Variants in MRPL49 observed in about 807,000 individuals in gnomAD.
MRPL49 encodes mitochondrial ribosomal protein L49, also known as large ribosomal subunit protein mL49.
A neutral mutation model predicts 18.4 loss-of-function variants in MRPL49; 14 were observed. The observed-to-expected ratio is 0.76, with a 90% confidence interval of 0.50 to 1.19. The LOEUF is 1.19. Among genes scored for constraint, MRPL49 ranks in the 50% most tolerant of loss-of-function variants. The pLI is 0.00. For synonymous variants in MRPL49, 104 were observed against 86.2 expected (o/e 1.21, Z -1.14); for missense variants, 190 against 217.8 (o/e 0.87, Z 0.80).
At chr11:65,122,681 G>A (rs1948063769) in intron 1 of MRPL49, among the ~76,000 whole-genome samples, 1 of 151,688 alleles carries the variant, frequency 6.6e-6, no homozygotes, top group Non-Finnish European at 1.5e-5. Flanking sequence ...CGGGGTCCTA[G>A]CATATGAGTG....
intron 2 of MRPL49, 55 bp downstream of exon 2, chr11:65,124,707 C>A: frequency 6.3e-7 from 1 of 1,583,488 alleles, no homozygotes. Flanking sequence ...CACCTCCTCC[C>A]CAGAGGTTGG....
Position 65,122,355 on chromosome 11 carries a change from T to C in MRPL49, c.9T>C (p.Ala3=), listed in dbSNP as rs757723640. MA[A]TMFRATLRGW... ...TGGCGTAGCAGGTAAAGATGGCAGCTACCATGTTCCGGGCTACGCTGCGGG... is the reference window on the plus strand; with the variant it reads ...TGGCGTAGCAGGTAAAGATGGCAGCCACCATGTTCCGGGCTACGCTGCGGG... The change falls in exon 1 of 4, where the codon GCT becomes GCC. Residue 3 remains alanine, a synonymous_variant. Coordinates refer to ENST00000279242, the MANE Select transcript of MRPL49 (RefSeq NM_004927.4). 4 of 1,612,760 alleles carry C rather than the reference T, an allele frequency of 2.5e-6. No individual in the cohort carries two copies. The highest frequency in any genetic ancestry group is 1.3e-5 in the African/African-American group (1 of 75,028).
rs1288776394 is a variant in MRPL49 at position 65,125,904 on chromosome 11, C to T, written c.*32C>T. 51 of 1,584,788 alleles carry T rather than the reference C, an allele frequency of 3.2e-5. No homozygotes were observed. Among genetic ancestry groups the T allele is most frequent in the Non-Finnish European group, 4.1e-5 (48 of 1,162,688 alleles). On this transcript the variant is annotated 3_prime_UTR_variant, in exon 4 of 4. Transcript: ENST00000279242. ...GCCGAGCAGCCTGCTTGTCAGCATG[C>T]CCTGTGGATCAAGTCTAGGGGGCCT...
At position 65,125,033 on chromosome 11, in the gene MRPL49, C is replaced by G. The variant is rs115075364; in HGVS notation, c.229+381C>G. The G allele has an allele frequency of 3.8e-3, 1,005 of 264,188 alleles. 10 individuals carry two copies. The highest frequency in any genetic ancestry group is 0.02 in the African/African-American group (900 of 44,716). The allele number at this position is 264,188 out of a possible 1,614,324, so 16.4% of individuals were successfully genotyped here. ...ACTGTTGATGTTATCTTGAATTAGT[C>G]ACTTAGCTTGACCCAACCTGTTTTA... On this transcript the variant is annotated intron_variant, in intron 2 of 3. Transcript: ENST00000279242.
At chr11:65,124,741 C>T (rs1194110239) in intron 2 of MRPL49, 89 bp downstream of exon 2, 4 of 1,452,524 alleles carry the variant, frequency 2.8e-6, no homozygotes, top group Non-Finnish European at 3.7e-6. Flanking sequence ...GCTCTGGACT[C>T]TCCAGTGGGT....
At position 65,126,282 on chromosome 11, in the gene MRPL49, C is replaced by A. The variant is rs185215869; in HGVS notation, c.*410C>A. On this transcript the variant is annotated 3_prime_UTR_variant, in exon 4 of 4. Coordinates refer to ENST00000279242, the MANE Select transcript of MRPL49 (RefSeq NM_004927.4). ...CTTGAGTAGCTGGGATTACAGGCGC[C>A]CACCACCACAGCCTGCTAATTTTTG... is the stretch of plus-strand genomic sequence containing the variant. 2,228 of 157,432 alleles carry A rather than the reference C, an allele frequency of 0.014. 46 individuals are homozygous for A. The highest frequency in any genetic ancestry group is 0.049 in the African/African-American group (2,051 of 41,656). The allele number at this position is 157,432 out of a possible 1,614,324, so 9.8% of individuals were successfully genotyped here.
rs1948099260 is a variant in MRPL49, at chr11:65,126,144, T to C, written c.*272T>C. The C allele has an allele frequency of 3.0e-6, 1 of 336,270 alleles. No homozygotes were observed. The allele number at this position is 336,270 out of a possible 1,614,324, so 20.8% of individuals were successfully genotyped here. ...TCCCTCCTATCTTGGCCTGTTCTTT[T>C]TTGTTTTTTGAGACGGAGTCTCACT... On this transcript the variant is annotated 3_prime_UTR_variant, in exon 4 of 4. Transcript: ENST00000279242.
chr11:65,123,571 A>C (rs1007437925), intron 1 of MRPL49, among the ~76,000 whole-genome samples: 2 of 152,028 alleles, frequency 1.3e-5, no homozygotes, highest in African/African-American at 4.8e-5. Context: ...CCGTCTCTAG[A>C]AAAAATACAA....
At chr11:65,123,874 A>G (rs905876164) in intron 1 of MRPL49, among the ~76,000 whole-genome samples, 6 of 152,202 alleles carry the variant, frequency 3.9e-5, no homozygotes, top group African/African-American at 1.4e-4. Flanking sequence ...ACAGATGGCC[A>G]TGCAGGAATT....
At chr11:65,124,209 T>A (rs554141362) in intron 1 of MRPL49, among the ~76,000 whole-genome samples, 1 of 152,288 alleles carries the variant, frequency 6.6e-6, no homozygotes, top group African/African-American at 2.4e-5. Context: ...TTGTGTAAGG[T>A]TGAAGTGGCC....
Position 65,126,871 on chromosome 11 carries a change from GC to G in MRPL49, c.*1000del. On this transcript the variant is annotated 3_prime_UTR_variant, in exon 4 of 4. Coordinates refer to ENST00000279242, the MANE Select transcript of MRPL49 (RefSeq NM_004927.4). ...ACATCCCCCTGCAGCCTTCTGACCT[GC>G]AATCAAGGCTGGGGAGGGGTTTGCA... The G allele has an allele frequency of 1.7e-6, 1 of 590,138 alleles. No homozygotes were observed. The highest frequency in any genetic ancestry group is 2.0e-5 in the South Asian group (1 of 49,372). 36.6% of individuals were successfully genotyped at this position (590,138 alleles called of 1,614,324 possible).
Position 65,122,438 on chromosome 11 carries a change from G to A in MRPL49, c.78+14G>A. Reference sequence around the variant, plus strand: ...CTACGGCTGTTGGTGAGAGCGCTGAGCGAGGAGCTGAGGGCATCGCGTGGG... The same window carrying A: ...CTACGGCTGTTGGTGAGAGCGCTGAACGAGGAGCTGAGGGCATCGCGTGGG... On this transcript the variant is annotated intron_variant, in intron 1 of 3. Transcript: ENST00000279242. 2 of 1,608,310 alleles carry A rather than the reference G, an allele frequency of 1.2e-6. No individual in the cohort carries two copies. The highest frequency in any genetic ancestry group is 8.5e-7 in the Non-Finnish European group (1 of 1,177,586).
rs1209632595 is a variant in MRPL49, at chr11:65,125,135, C to T, written c.230-353C>T. On this transcript the variant is annotated intron_variant, in intron 2 of 3. Coordinates refer to ENST00000279242, the MANE Select transcript of MRPL49 (RefSeq NM_004927.4). The stretch of plus-strand genomic sequence containing the variant: ...GCATATGGTAGGTGCTCAGTGCTTG[C>T]AAATCCCAATCTCTTTGTTCCAGAG... 2.5e-5 allele frequency: 9 copies of T among 353,222 alleles called. No homozygotes were observed. In the East Asian group the frequency reaches 6.4e-4, roughly 25 times the overall value. 21.9% of individuals were successfully genotyped at this position (353,222 alleles called of 1,614,324 possible).
chr11:65,125,709 T>C lies in MRPL49; in HGVS notation c.355-17T>C. 9 of 1,613,446 alleles carry C rather than the reference T, an allele frequency of 5.6e-6. No individual in the cohort carries two copies. The highest frequency in any genetic ancestry group is 7.6e-6 in the Non-Finnish European group (9 of 1,179,576). ...GAAGGGACTCTTGGCCTGACCTGAT[T>C]TGTCATCTTTCCCCAGGCCCTGCAG... On this transcript the variant is annotated splice_polypyrimidine_tract_variant and intron_variant, in intron 3 of 3. Transcript: ENST00000279242.
chr11:65,122,805 C>T (rs554507833), intron 1 of MRPL49, among the ~76,000 whole-genome samples: 1 of 151,568 alleles, frequency 6.6e-6, no homozygotes, highest in Non-Finnish European at 1.5e-5. Context: ...CTGCAAGCTC[C>T]GCCTCCCAGA....
Position 65,127,340 on chromosome 11 carries a change from A to G in MRPL49, c.*1468A>G, listed in dbSNP as rs1948113733. On this transcript the variant is annotated 3_prime_UTR_variant, in exon 4 of 4. Coordinates refer to ENST00000279242, the MANE Select transcript of MRPL49 (RefSeq NM_004927.4). ...TTTAAGCTATTAAAATTTGTACAAT[A>G]TTTACAAATTAAATAATCATCTGAA... The G allele has an allele frequency of 2.8e-6, 1 of 363,586 alleles. No individual in the cohort carries two copies. The highest frequency in any genetic ancestry group is 4.9e-6 in the Non-Finnish European group (1 of 202,104). The allele number at this position is 363,586 out of a possible 1,614,324, so 22.5% of individuals were successfully genotyped here. A position where few individuals can be genotyped will look rare whatever the true frequency, so the allele number is the denominator to read the frequency against.
Position 65,125,031 on chromosome 11 carries a change from G to C in MRPL49, c.229+379G>C, listed in dbSNP as rs576969411. Reference sequence around the variant, plus strand: ...TTACTGTTGATGTTATCTTGAATTAGTCACTTAGCTTGACCCAACCTGTTT... The same window carrying C: ...TTACTGTTGATGTTATCTTGAATTACTCACTTAGCTTGACCCAACCTGTTT... On this transcript the variant is annotated intron_variant, in intron 2 of 3. Transcript: ENST00000279242. 50 of 263,464 alleles carry C rather than the reference G, an allele frequency of 1.9e-4. 1 individual carries two copies. The South Asian group carries it at 3.0e-3, about 16-fold the overall frequency. The allele number at this position is 263,464 out of a possible 1,614,324, so 16.3% of individuals were successfully genotyped here.
At chr11:65,125,457 G>T (rs759911788) in intron 2 of MRPL49, 31 bp from the exon 3 acceptor site, 1 of 1,612,332 alleles carries the variant, frequency 6.2e-7, no homozygotes, top group Non-Finnish European at 8.5e-7. Flanking sequence ...CGTAGGAAGA[G>T]TTGATTTAAC....
chr11:65,126,697 A>C lies in MRPL49; in HGVS notation c.*825A>C, dbSNP rs138551663. ...CTTGGAGATCTTCTGTTCAAAGTAC[A>C]GTGCTGGCACTGGGGCACAGAGTGC... On this transcript the variant is annotated 3_prime_UTR_variant, in exon 4 of 4. Transcript: ENST00000279242. 218 of 370,670 alleles carry C rather than the reference A, an allele frequency of 5.9e-4. 1 individual carries two copies. In the East Asian group the frequency reaches 8.2e-3, roughly 14 times the overall value. 23.0% of individuals were successfully genotyped at this position (370,670 alleles called of 1,614,324 possible). A position where few individuals can be genotyped will look rare whatever the true frequency, so the allele number is the denominator to read the frequency against.
Sources: allele counts gnomAD v4.1 joint callset (sites outside exome capture counted in the v4.1 genomes callset), GRCh38; gene constraint gnomAD v4.1.1; transcripts MANE v1.5; gene names NCBI Gene and HGNC (gene_info 2026-07-23, HGNC 2026-07-21).